Variants in SLTM observed in about 807,000 individuals in gnomAD.
SLTM encodes the protein SAFB-like transcription modulator.
In SLTM, 43 loss-of-function variants were observed where a neutral mutation model predicts 134.6. The observed-to-expected ratio is 0.32, with a 90% CI of 0.25 to 0.41. The LOEUF is 0.41. Ranked by LOEUF, SLTM falls within the 10% of genes least tolerant of loss-of-function variation. SLTM has a pLI of 1.00. For missense variants in SLTM, 1,055 were observed against 1,288.8 expected, an observed-to-expected ratio of 0.82 and a Z score of 2.78; for synonymous variants, 424 against 432.3, an observed-to-expected ratio of 0.98 and a Z score of 0.24.
intron 15 of SLTM, 79 bp downstream of exon 15, chr15:58,890,202 G>A (rs955148128): frequency 7.2e-6 from 11 of 1,534,112 alleles, no homozygotes; most frequent in Non-Finnish European, 9.8e-6. Flanking sequence ...TTTACAACAA[G>A]TAAAGCAAGT....
At position 58,893,730 on chromosome 15, in the gene SLTM, T is replaced by C. The variant is rs4238332; in HGVS notation, c.1648+91A>G. On this transcript the variant is annotated intron_variant, in intron 12 of 20. Transcript: ENST00000380516. ...CAATGACACCTAACAACAAAGCTTA[T>C]ATCTGGATTAGAATTTCAGGTTTTC... 1,353,750 of 1,361,724 alleles carry C rather than the reference T, an allele frequency of 0.99. 673,240 individuals carry two copies. Among genetic ancestry groups the C allele is most frequent in the Non-Finnish European group, 1 (1,001,420 of 1,001,660 alleles). The allele number at this position is 1,361,724 out of a possible 1,614,324, so 84.4% of individuals were successfully genotyped here. A position where few individuals can be genotyped will look rare whatever the true frequency, so the allele number is the denominator to read the frequency against.
chr15:58,929,042 C>G (rs930751254), intron 2 of SLTM, among the ~76,000 whole-genome samples: 1 of 151,970 alleles, frequency 6.6e-6, no homozygotes. Flanking sequence ...TCCAGTTTTA[C>G]AAAAGAGAAA....
intron 9 of SLTM, among the ~76,000 whole-genome samples, chr15:58,895,302 A>T (rs2034998664): frequency 6.6e-6 from 1 of 152,244 alleles, no homozygotes; most frequent in African/African-American, 2.4e-5. Context: ...CCAATCACAT[A>T]TAAAAAAGCG....
intron 12 of SLTM, 141 bp from the exon 13 acceptor site, chr15:58,893,505 CA>C: frequency 1.5e-6 from 1 of 653,222 alleles, no homozygotes; most frequent in Non-Finnish European, 2.5e-6. Context: ...AACTTCAATG[CA>C]AAGAGTTTTT....
At chr15:58,929,641 G>T (rs1322671931) in intron 2 of SLTM, among the ~76,000 whole-genome samples, 1 of 152,002 alleles carries the variant, frequency 6.6e-6, no homozygotes, top group East Asian at 1.9e-4. Flanking sequence ...GCTCAGGCTG[G>T]TCTTGAACTA....
intron 5 of SLTM, 55 bp downstream of exon 5, chr15:58,912,508 T>C: frequency 7.0e-7 from 1 of 1,435,910 alleles, no homozygotes; most frequent in South Asian, 1.1e-5. Flanking sequence ...TAAGATTCCT[T>C]TTCCAAGCCC....
At position 58,912,359 on chromosome 15, in the gene SLTM, A is replaced by G. The variant is rs1275693537; in HGVS notation, c.561+204T>C. The stretch of plus-strand genomic sequence containing the variant: ...CGTGAACCGCCCGCCTCGGCCTCCC[A>G]AAGTGCTGGGATTACAGGCGTGAGC... On this transcript the variant is annotated intron_variant, in intron 5 of 20. Transcript: ENST00000380516. 2.0e-5 allele frequency among the ~76,000 whole-genome samples: 3 copies of G among 152,256 alleles called. No individual in the cohort carries two copies. The East Asian group carries it at 5.8e-4, about 29-fold the overall frequency.
chr15:58,916,686 C>T (rs944754975), intron 3 of SLTM: 4 of 300,914 alleles, frequency 1.3e-5, no homozygotes, highest in Admixed American at 4.9e-5. Flanking sequence ...CAGCTTTCTA[C>T]CTAAAGGCCT....
Position 58,933,428 on chromosome 15 carries a change from G to A in SLTM, c.138C>T (p.Thr46=), listed in dbSNP as rs899985648. The A allele has an allele frequency of 1.9e-6, 3 of 1,585,576 alleles. No individual in the cohort carries two copies. The highest frequency in any genetic ancestry group is 2.6e-6 in the Non-Finnish European group (3 of 1,166,532). The change falls in exon 1 of 21, where the codon ACC becomes ACT. Residue 46 remains threonine (T), a synonymous_variant. Transcript: ENST00000380516. ...RRNLDITGVK[T]VLISRLKQAI... ...CCTGCTTGAGTCGGGAGATGAGCAC[G>A]GTCTTGACTCCGGTGATGTCTAAGT...
chr15:58,920,366 G>A (rs2036940079), intron 2 of SLTM, among the ~76,000 whole-genome samples: 4 of 152,094 alleles, frequency 2.6e-5, no homozygotes. Flanking sequence ...GCTCATGCCT[G>A]TAATCCCAGC....
intron 2 of SLTM, among the ~76,000 whole-genome samples, chr15:58,919,533 G>A (rs1266940599): frequency 6.6e-6 from 1 of 151,878 alleles, no homozygotes; most frequent in Non-Finnish European, 1.5e-5. Flanking sequence ...CCAGGAGGTG[G>A]GAGAACTGCT....
rs938634256 is a variant in SLTM at position 58,879,427 on chromosome 15, C to T, written c.*572G>A. 4.6e-5 allele frequency: 7 copies of T among 152,578 alleles called. No individual in the cohort carries two copies. Among genetic ancestry groups the T allele is most frequent in the Admixed American group, 2.6e-4 (4 of 15,272 alleles). 9.5% of individuals were successfully genotyped at this position (152,578 alleles called of 1,614,324 possible). The stretch of plus-strand genomic sequence containing the variant: ...AAAAAGGTTCTCAACACTTTAGCAA[C>T]TATACAGAATATGAAGGTTTATTTC... On this transcript the variant is annotated 3_prime_UTR_variant, in exon 21 of 21. Transcript: ENST00000380516.
chr15:58,918,890 T>G (rs1277185260), intron 2 of SLTM, among the ~76,000 whole-genome samples: 2 of 151,874 alleles, frequency 1.3e-5, no homozygotes, highest in African/African-American at 4.8e-5. Flanking sequence ...GATGTCCTTT[T>G]CCTGAAAAAG....
At chr15:58,890,081 C>T in intron 15 of SLTM, 200 bp downstream of exon 15, 3 of 601,620 alleles carry the variant, frequency 5.0e-6, no homozygotes, top group Non-Finnish European at 8.7e-6. Flanking sequence ...GAATTATTAC[C>T]AGTTATCTAG....
intron 2 of SLTM, among the ~76,000 whole-genome samples, chr15:58,922,947 C>T (rs1457285564): frequency 2.0e-5 from 3 of 152,054 alleles, no homozygotes; most frequent in Non-Finnish European, 2.9e-5. Context: ...AACTCCTGAC[C>T]TCTAGTGATC....
intron 5 of SLTM, among the ~76,000 whole-genome samples, chr15:58,905,778 C>T (rs1452340918): frequency 6.6e-6 from 1 of 151,344 alleles, no homozygotes; most frequent in Non-Finnish European, 1.5e-5. Context: ...TAGTTCCTGT[C>T]AATTATAATG....
chr15:58,898,181 G>T (rs1435255577), intron 8 of SLTM: 1 of 152,058 alleles, frequency 6.6e-6, no homozygotes, highest in Non-Finnish European at 1.5e-5. Context: ...CATTTAGGAG[G>T]TATTTAAAAG....
Position 58,893,105 on chromosome 15 carries a change from G to A in SLTM, c.1735-45C>T, listed in dbSNP as rs564106268. ...GAACACTAGAAATTAAAATATTTTG[G>A]GGCTTTATTTTTCAAGTTTAGTAGG... is the stretch of plus-strand genomic sequence containing the variant. On this transcript the variant is annotated intron_variant, in intron 13 of 20. Transcript: ENST00000380516. The A allele has an allele frequency of 2.6e-6, 4 of 1,524,098 alleles. No homozygotes were observed. The African/African-American group carries it at 5.7e-5, about 22-fold the overall frequency. 94.4% of individuals were successfully genotyped at this position (1,524,098 alleles called of 1,614,324 possible). A position where few individuals can be genotyped will look rare whatever the true frequency, so the allele number is the denominator to read the frequency against.
In SLTM at chr15:58,898,869, CCAG is replaced by C; in HGVS notation, c.1059-20_1059-18del. 1 of 1,599,060 alleles carries C rather than the reference CCAG, an allele frequency of 6.3e-7. No individual in the cohort carries two copies. Among genetic ancestry groups the C allele is most frequent in the Non-Finnish European group, 8.5e-7 (1 of 1,172,570 alleles). ...TTTGAAGAGCTAAAGAGGCAAATCA[CCAG>C]AAGAAAATTGAAAACAAAAACAAAA... On this transcript the variant is annotated intron_variant, in intron 7 of 20. Coordinates refer to ENST00000380516, the MANE Select transcript of SLTM (RefSeq NM_024755.4).
Sources: gnomAD v4.1 joint callset for allele counts (sites outside exome capture counted in the v4.1 genomes callset) on GRCh38, gnomAD v4.1.1 for gene constraint, MANE v1.5 for transcripts, NCBI Gene and HGNC (gene_info 2026-07-23, HGNC 2026-07-21) for gene names.